Variants in SRGAP1 observed in about 807,000 individuals in gnomAD.
SRGAP1 encodes the protein SLIT-ROBO Rho GTPase-activating protein 1.
A neutral mutation model predicts 121.9 loss-of-function variants in SRGAP1; 43 were observed. That is an observed-to-expected ratio of 0.35 (90% CI 0.28 to 0.46). The LOEUF is 0.46. Among genes scored for constraint, SRGAP1 ranks in the 20% least tolerant of loss-of-function variants. The pLI is 1.00. For synonymous variants in SRGAP1, 447 were observed against 485.4 expected, an observed-to-expected ratio of 0.92 and a Z score of 1.04; for missense variants, 1,102 against 1,350.9, an observed-to-expected ratio of 0.82 and a Z score of 2.89.
At chr12:64,056,863 T>C (rs1466939096) in intron 6 of SRGAP1, among the ~76,000 whole-genome samples, 1 of 152,196 alleles carries the variant, frequency 6.6e-6, no homozygotes, top group East Asian at 1.9e-4. Context: ...TTCATTTATG[T>C]TGCACTTCAG....
chr12:63,885,973 T>A (rs1900368158), intron 1 of SRGAP1, among the ~76,000 whole-genome samples: 1 of 152,252 alleles, frequency 6.6e-6, no homozygotes, highest in Non-Finnish European at 1.5e-5. Context: ...GAACTGATCA[T>A]GGATAATATG....
intron 1 of SRGAP1, among the ~76,000 whole-genome samples, chr12:63,951,097 A>G (rs1209064259): frequency 2.0e-5 from 3 of 148,006 alleles, no homozygotes; most frequent in Middle Eastern, 7.0e-3. Context: ...TACCTGACAC[A>G]TAGTAAGTAC....
chr12:63,978,184 ATATAGC>A (rs1295835684), intron 1 of SRGAP1, among the ~76,000 whole-genome samples: 1 of 152,228 alleles, frequency 6.6e-6, no homozygotes, highest in Non-Finnish European at 1.5e-5. Flanking sequence ...TGGAATTGTG[ATATAGC>A]TATCTTTCAA....
intron 1 of SRGAP1, among the ~76,000 whole-genome samples, chr12:63,936,383 G>A (rs899090159): frequency 2.6e-5 from 4 of 152,154 alleles, no homozygotes; most frequent in African/African-American, 9.7e-5. Context: ...TCTTCAGTTA[G>A]GATAGTTCCT....
chr12:64,101,290 G>T (rs907076803), intron 15 of SRGAP1, among the ~76,000 whole-genome samples: 8 of 145,928 alleles, frequency 5.5e-5, no homozygotes, highest in Middle Eastern at 3.6e-3. Context: ...CCGTATTTTT[G>T]GATTGTTTGG....
intron 1 of SRGAP1, chr12:63,871,760 C>A: frequency 8.6e-7 from 1 of 1,160,810 alleles, no homozygotes; most frequent in South Asian, 1.2e-5. Context: ...TCACTTGGTC[C>A]TTTCTTTTCT....
intron 2 of SRGAP1, among the ~76,000 whole-genome samples, chr12:63,987,589 G>C (rs1014947896): frequency 5.9e-5 from 9 of 152,132 alleles, no homozygotes; most frequent in African/African-American, 2.2e-4. Flanking sequence ...GGGCATGGTG[G>C]CAGGCACCTG....
At chr12:63,887,606 C>T (rs1187030267) in intron 1 of SRGAP1, 4 of 152,200 alleles carry the variant, frequency 2.6e-5, no homozygotes, top group African/African-American at 9.6e-5. Context: ...GGTGGATCAT[C>T]ACTTCTAGAA....
intron 8 of SRGAP1, among the ~76,000 whole-genome samples, chr12:64,076,939 C>T (rs10878104): frequency 0.16 from 24,364 of 151,924 alleles, 2,288 homozygotes; most frequent in Non-Finnish European, 0.22. Flanking sequence ...CACCACGCCC[C>T]GCTCAGAAAG....
chr12:63,969,392 G>T (rs1435833828), intron 1 of SRGAP1, among the ~76,000 whole-genome samples: 1 of 152,148 alleles, frequency 6.6e-6, no homozygotes, highest in Non-Finnish European at 1.5e-5. Context: ...CGTTCTAAAA[G>T]AAAAAGAAAT....
intron 1 of SRGAP1, among the ~76,000 whole-genome samples, chr12:63,952,105 C>T (rs1398054996): frequency 6.6e-6 from 1 of 152,114 alleles, no homozygotes; most frequent in Non-Finnish European, 1.5e-5. Flanking sequence ...GTTTTAGAGT[C>T]TGTGTCCTCC....
intron 1 of SRGAP1, among the ~76,000 whole-genome samples, chr12:63,946,541 CTTT>C (rs35628309): frequency 5.1e-4 from 70 of 138,548 alleles, no homozygotes; most frequent in Middle Eastern, 3.8e-3. Flanking sequence ...CTTTTGTATT[CTTT>C]TTTTTTTTTT....
At chr12:63,879,256 C>A (rs112726305) in intron 1 of SRGAP1, 1,621 of 152,614 alleles carry the variant, frequency 0.011, 12 homozygotes, top group Non-Finnish European at 0.018. Context: ...CTCAAGTGAT[C>A]CTCCAGCCTT....
intron 3 of SRGAP1, among the ~76,000 whole-genome samples, chr12:63,990,790 A>G (rs548450191): frequency 6.6e-6 from 1 of 152,294 alleles, no homozygotes; most frequent in South Asian, 2.1e-4. Flanking sequence ...ATGATGAGAA[A>G]CTTGTGAAGA....
chr12:63,993,104 C>T (rs1334221542), intron 3 of SRGAP1, among the ~76,000 whole-genome samples: 1 of 152,156 alleles, frequency 6.6e-6, no homozygotes. Context: ...AAGATCAACC[C>T]CTAGGACACA....
intron 1 of SRGAP1, chr12:63,887,656 A>G (rs1488642135): frequency 6.6e-6 from 1 of 152,266 alleles, no homozygotes; most frequent in Non-Finnish European, 1.5e-5. Context: ...TTAGGTCTGC[A>G]GCCTCCACCC....
At chr12:64,015,546 A>G (rs960137923) in intron 3 of SRGAP1, among the ~76,000 whole-genome samples, 4 of 152,202 alleles carry the variant, frequency 2.6e-5, no homozygotes, top group Non-Finnish European at 5.9e-5. Context: ...CTCAAAGTTC[A>G]GGTACTGCTC....
chr12:63,973,750 ATT>A (rs937848187), intron 1 of SRGAP1, among the ~76,000 whole-genome samples: 1 of 152,072 alleles, frequency 6.6e-6, no homozygotes, highest in East Asian at 1.9e-4. Context: ...AAAGTTTTTC[ATT>A]TTTTTTCTTT....
intron 21 of SRGAP1, 116 bp downstream of exon 21, chr12:64,128,316 C>T: frequency 1.9e-6 from 2 of 1,052,440 alleles, no homozygotes; most frequent in South Asian, 3.7e-5. Context: ...TGTATAGAAC[C>T]AACTAAAGAA....
Sources: gnomAD v4.1 joint callset for allele counts (sites outside exome capture counted in the v4.1 genomes callset) on GRCh38, gnomAD v4.1.1 for gene constraint, MANE v1.5 for transcripts, NCBI Gene and HGNC (gene_info 2026-07-23, HGNC 2026-07-21) for gene names.